CSMD1: variants seen among roughly 807,000 people sequenced by gnomAD.
CSMD1 encodes CUB and sushi domain-containing protein 1.
In CSMD1, 213 loss-of-function variants were observed where a neutral mutation model predicts 417.5. The observed-to-expected ratio is 0.51, with a 90% CI of 0.46 to 0.57. CSMD1 has a LOEUF of 0.57. Among genes scored for constraint, CSMD1 ranks in the 20% least tolerant of loss-of-function variants. The pLI is 0.00. For synonymous variants in CSMD1, 2,862 were observed against 1,736.8 expected (o/e 1.65, Z -16.11); for missense variants, 6,923 against 4,529.7 (o/e 1.53, Z -15.17).
intron 26 of CSMD1, among the ~76,000 whole-genome samples, chr8:3,267,248 G>A (rs1043996870): frequency 6.6e-6 from 1 of 152,134 alleles, no homozygotes; most frequent in Admixed American, 6.5e-5. Flanking sequence ...TTGCATGACC[G>A]TTGGAAGGAA....
chr8:3,485,807 TA>T (rs1563083279), intron 11 of CSMD1, among the ~76,000 whole-genome samples: 19 of 149,152 alleles, frequency 1.3e-4, no homozygotes, highest in Non-Finnish European at 3.0e-5. Flanking sequence ...TAAAATAAAA[TA>T]AAATAAAATA....
In CSMD1 at chr8:3,120,440, C is replaced by A. The variant is rs1021825039; in HGVS notation, c.6242-1853G>T. Reference sequence around the variant, plus strand: ...AATGTAAGTGCTGTTTGGAGTTTGTCTTCATTAACATTTGCCAAATGTTAA... The same window carrying A: ...AATGTAAGTGCTGTTTGGAGTTTGTATTCATTAACATTTGCCAAATGTTAA... On this transcript the variant is annotated intron_variant, in intron 41 of 69. Transcript: ENST00000635120. Among the ~76,000 whole-genome samples, 3 of 152,178 alleles carry A rather than the reference C, an allele frequency of 2.0e-5. No homozygotes were observed. The East Asian group carries it at 5.8e-4, about 29-fold the overall frequency.
chr8:3,687,238 T>C (rs1449290679), intron 7 of CSMD1, among the ~76,000 whole-genome samples: 1 of 152,232 alleles, frequency 6.6e-6, no homozygotes, highest in African/African-American at 2.4e-5. Context: ...ATTCACTTTG[T>C]TGCTTTTAAG....
In CSMD1 at chr8:4,750,506, T is replaced by C. The variant is rs564505409; in HGVS notation, c.86-112948A>G. Reference sequence around the variant, plus strand: ...CCTCTTAATTTCATAGTCATTATTATATTTTAATGTTAAGATTTTCCTATA... The same window carrying C: ...CCTCTTAATTTCATAGTCATTATTACATTTTAATGTTAAGATTTTCCTATA... On this transcript the variant is annotated intron_variant, in intron 1 of 69. Coordinates refer to ENST00000635120, the MANE Select transcript of CSMD1 (RefSeq NM_033225.6). Among the ~76,000 whole-genome samples the C allele has an allele frequency of 4.6e-5, 7 of 152,330 alleles. No homozygotes were observed. The South Asian group carries it at 1.0e-3, about 23-fold the overall frequency.
intron 1 of CSMD1, among the ~76,000 whole-genome samples, chr8:4,992,127 G>T (rs74475536): frequency 1.3e-5 from 2 of 152,230 alleles, no homozygotes; most frequent in East Asian, 3.9e-4. Context: ...GGGCTGCCCC[G>T]CAGGGCCCGA....
chr8:3,080,914 G>A (rs184452570), intron 49 of CSMD1, among the ~76,000 whole-genome samples: 30 of 152,154 alleles, frequency 2.0e-4, no homozygotes, highest in African/African-American at 6.8e-4. Context: ...CTAAAAATAT[G>A]ATGCGTCTAC....
Position 4,725,086 on chromosome 8 carries a change from C to A in CSMD1, c.86-87528G>T, listed in dbSNP as rs182785095. Reference sequence around the variant, plus strand: ...TGTGTGACTTTTGCCATTTGCGATCCGAACTTTTCAAATTAAATGTATCCT... The same window carrying A: ...TGTGTGACTTTTGCCATTTGCGATCAGAACTTTTCAAATTAAATGTATCCT... On this transcript the variant is annotated intron_variant, in intron 1 of 69. Coordinates refer to ENST00000635120, the MANE Select transcript of CSMD1 (RefSeq NM_033225.6). Among the ~76,000 whole-genome samples, 777 of 151,982 alleles carry A rather than the reference C, an allele frequency of 5.1e-3. 10 individuals carry two copies. Among genetic ancestry groups the A allele is most frequent in the African/African-American group, 0.018 (750 of 41,474 alleles).
At chr8:4,637,874 G>T (rs1802936123) in intron 1 of CSMD1, among the ~76,000 whole-genome samples, 1 of 151,036 alleles carries the variant, frequency 6.6e-6, no homozygotes, top group South Asian at 2.1e-4. Flanking sequence ...GTTTCACCTT[G>T]TTAGCCAGGA....
Position 3,989,104 on chromosome 8 carries a change from T to G in CSMD1, c.818+8799A>C, listed in dbSNP as rs543502749. On this transcript the variant is annotated intron_variant, in intron 5 of 69. Transcript: ENST00000635120. ...GCACTGTTTCTTACAGCAGTAAACG[T>G]GCAGCTAGTTATAGAAATTGCTATG... 2.6e-5 allele frequency among the ~76,000 whole-genome samples: 4 copies of G among 152,316 alleles called. No individual in the cohort carries two copies. The East Asian group carries it at 5.8e-4, about 22-fold the overall frequency.
At chr8:4,191,852 A>C (rs779130) in intron 3 of CSMD1, among the ~76,000 whole-genome samples, 1 of 152,072 alleles carries the variant, frequency 6.6e-6, no homozygotes, top group Non-Finnish European at 1.5e-5. Flanking sequence ...ATCAACAGTC[A>C]GTTTCCAGAC....
intron 3 of CSMD1, among the ~76,000 whole-genome samples, chr8:4,308,755 G>A (rs1798395619): frequency 1.3e-5 from 2 of 152,154 alleles, no homozygotes; most frequent in African/African-American, 4.8e-5. Context: ...CTGGCTGTTT[G>A]AGCGTGATGA....
intron 3 of CSMD1, among the ~76,000 whole-genome samples, chr8:4,109,509 T>G (rs761852111): frequency 1.3e-5 from 2 of 152,166 alleles, no homozygotes; most frequent in Non-Finnish European, 2.9e-5. Flanking sequence ...CATGAATAAG[T>G]AGACTTATTG....
intron 1 of CSMD1, among the ~76,000 whole-genome samples, chr8:4,692,246 C>T (rs1584951708): frequency 6.6e-6 from 1 of 152,000 alleles, no homozygotes; most frequent in Non-Finnish European, 1.5e-5. Flanking sequence ...CAAGCCACTC[C>T]CAACAGTCAA....
Position 3,895,447 on chromosome 8 carries a change from G to T in CSMD1, c.818+102456C>A, listed in dbSNP as rs144755395. The stretch of plus-strand genomic sequence containing the variant: ...TAACACAACAGTGTCAATCCACAAT[G>T]TTTAAATCTTAGCAGACAAAAAAGA... On this transcript the variant is annotated intron_variant, in intron 5 of 69. Coordinates refer to ENST00000635120, the MANE Select transcript of CSMD1 (RefSeq NM_033225.6). Among the ~76,000 whole-genome samples, 279 of 152,160 alleles carry T rather than the reference G, an allele frequency of 1.8e-3. 3 individuals are homozygous for T. Among genetic ancestry groups the T allele is most frequent in the African/African-American group, 6.3e-3 (263 of 41,526 alleles).
intron 3 of CSMD1, among the ~76,000 whole-genome samples, chr8:4,246,985 T>C (rs907387361): frequency 4.6e-5 from 7 of 152,210 alleles, no homozygotes; most frequent in African/African-American, 7.2e-5. Context: ...TAGAAATTTA[T>C]TGTATTATTT....
chr8:4,799,639 G>C (rs1029964692), intron 1 of CSMD1, among the ~76,000 whole-genome samples: 14 of 139,864 alleles, frequency 1.0e-4, no homozygotes, highest in African/African-American at 3.4e-4. Flanking sequence ...GTAATCCCTG[G>C]GCACTCACAC....
chr8:3,522,574 T>C (rs570718533), intron 10 of CSMD1, among the ~76,000 whole-genome samples: 12 of 152,166 alleles, frequency 7.9e-5, no homozygotes, highest in Admixed American at 5.2e-4. Flanking sequence ...GAGAAAGAAA[T>C]GGGAACACTA....
intron 15 of CSMD1, among the ~76,000 whole-genome samples, chr8:3,401,521 T>C (rs772664475): frequency 6.6e-6 from 1 of 152,056 alleles, no homozygotes; most frequent in Non-Finnish European, 1.5e-5. Context: ...TCTCAGTAAG[T>C]AGATTGTAAG....
At chr8:4,443,860 A>C (rs1298869617) in intron 2 of CSMD1, among the ~76,000 whole-genome samples, 4 of 152,226 alleles carry the variant, frequency 2.6e-5, no homozygotes, top group Non-Finnish European at 4.4e-5. Flanking sequence ...AACAAAGTTG[A>C]CATGTGAAAA....
Sources: gnomAD v4.1 joint callset for allele counts (sites outside exome capture counted in the v4.1 genomes callset) on GRCh38, gnomAD v4.1.1 for gene constraint, MANE v1.5 for transcripts, NCBI Gene and HGNC (gene_info 2026-07-23, HGNC 2026-07-21) for gene names.